Variants in TARS3 observed in about 807,000 individuals in gnomAD.
TARS3 encodes the protein threonyl-tRNA synthetase 3.
In TARS3, 94 loss-of-function variants were observed where a neutral mutation model predicts 103.5. That is an observed-to-expected ratio of 0.91 (90% confidence interval 0.77 to 1.08). The LOEUF is 1.08. Among genes scored for constraint, TARS3 ranks in the 50% least tolerant of loss-of-function variants. The pLI is 0.00. For missense variants in TARS3, 952 were observed against 995.2 expected, an observed-to-expected ratio of 0.96 and a Z score of 0.58; for synonymous variants, 416 against 355.4, an observed-to-expected ratio of 1.17 and a Z score of -1.92.
At chr15:101,658,260 G>A (rs1053943318) in intron 16 of TARS3, among the ~76,000 whole-genome samples, 2 of 138,098 alleles carry the variant, frequency 1.4e-5, no homozygotes, top group Middle Eastern at 3.8e-3. Flanking sequence ...TTTAGCGGGT[G>A]AATGGCCAAA....
At chr15:101,680,380 G>C (rs567305816) in intron 12 of TARS3, among the ~76,000 whole-genome samples, 2 of 152,190 alleles carry the variant, frequency 1.3e-5, no homozygotes, top group Non-Finnish European at 2.9e-5. Context: ...CTGTTTTATC[G>C]ATGCCTGTTG....
At chr15:101,672,678 G>A (rs762560125) in intron 13 of TARS3, among the ~76,000 whole-genome samples, 1 of 152,142 alleles carries the variant, frequency 6.6e-6, no homozygotes, top group Non-Finnish European at 1.5e-5. Context: ...GAGAGAGACG[G>A]AGATTTTTTT....
intron 3 of TARS3, among the ~76,000 whole-genome samples, chr15:101,716,013 C>T (rs191142993): frequency 6.6e-6 from 1 of 150,860 alleles, no homozygotes; most frequent in Admixed American, 6.7e-5. Context: ...TATCCGCTTC[C>T]TTTGCCTATT....
chr15:101,670,114 A>G (rs1307181738), intron 15 of TARS3, among the ~76,000 whole-genome samples: 1 of 152,248 alleles, frequency 6.6e-6, no homozygotes, highest in Non-Finnish European at 1.5e-5. Context: ...GGCAGAGCTT[A>G]TAGATATGAT....
rs1163908877 is a variant in TARS3 at position 101,708,801 on chromosome 15, T to C, written c.922A>G (p.Met308Val). 1.2e-6 allele frequency: 2 copies of C among 1,609,704 alleles called. No homozygotes were observed. The highest frequency in any genetic ancestry group is 1.7e-6 in the Non-Finnish European group (2 of 1,176,018). Reference sequence around the variant, plus strand: ...GAGTTTCCCCAAGTTACCTTAAACATTTCCAGGAGGATTTCCTTGCTGACT... The same window carrying C: ...GAGTTTCCCCAAGTTACCTTAAACACTTCCAGGAGGATTTCCTTGCTGACT... ...LEVSKEILLE[M>V]FKYNKFKCRI... is the part of the protein sequence containing the mutation. The change falls in exon 6 of 19, where the codon ATG (methionine) becomes GTG (valine). Residue 308 changes from methionine (M) to valine (V), a missense_variant. Around this residue, in one of 2 missense-constraint regions of TARS3, gnomAD observed 540 missense variants for 631.0 expected, o/e 0.86. Coordinates refer to ENST00000335968, the MANE Select transcript of TARS3 (RefSeq NM_152334.3).
intron 15 of TARS3, among the ~76,000 whole-genome samples, chr15:101,667,593 GGA>G (rs1198831202): frequency 6.7e-6 from 1 of 149,476 alleles, no homozygotes; most frequent in Non-Finnish European, 1.5e-5. Context: ...TTTTTGAGAT[GGA>G]GTTTCACTCT....
rs753495026 is a variant in TARS3, at chr15:101,714,792, TACA to T, written c.690+45_690+47del. ...ATGTGGCCTCTTATATAATGTAGTTTACAACATAACTACCCAAAGTTTGGCTGT... is the reference window on the plus strand; with the variant it reads ...ATGTGGCCTCTTATATAATGTAGTTTACATAACTACCCAAAGTTTGGCTGT... On this transcript the variant is annotated intron_variant, in intron 4 of 18. Coordinates refer to ENST00000335968, the MANE Select transcript of TARS3 (RefSeq NM_152334.3). 5 of 1,582,874 alleles carry T rather than the reference TACA, an allele frequency of 3.2e-6. No homozygotes were observed. The African/African-American group carries it at 6.7e-5, about 21-fold the overall frequency.
intron 3 of TARS3, 116 bp from the exon 4 acceptor site, chr15:101,715,079 TAAAC>T (rs1466586308): frequency 4.4e-6 from 4 of 915,966 alleles, no homozygotes; most frequent in African/African-American, 1.7e-5. Context: ...AGTACAAACA[TAAAC>T]TAATAGGACA....
intron 10 of TARS3, among the ~76,000 whole-genome samples, chr15:101,694,211 T>C (rs1007987325): frequency 1.3e-5 from 2 of 152,192 alleles, no homozygotes; most frequent in Admixed American, 6.5e-5. Context: ...GTGGAAGTCA[T>C]TTTACCTGAG....
intron 16 of TARS3, among the ~76,000 whole-genome samples, chr15:101,660,117 G>A (rs531522309): frequency 5.6e-4 from 86 of 152,326 alleles, no homozygotes; most frequent in African/African-American, 2.0e-3. Flanking sequence ...GGAGGAACTG[G>A]TTGCAGTGAC....
In TARS3 at chr15:101,724,080, C is replaced by A; in HGVS notation, c.297+11G>T. ...CCCGCGTCCTCTCCAGTGTCCCCAC[C>A]GCCCGGTTACCTGTGCGCCGGCCTC... On this transcript the variant is annotated intron_variant, in intron 1 of 18. Coordinates refer to ENST00000335968, the MANE Select transcript of TARS3 (RefSeq NM_152334.3). The A allele has an allele frequency of 7.3e-7, 1 of 1,361,722 alleles. No individual in the cohort carries two copies. The highest frequency in any genetic ancestry group is 1.7e-5 in the South Asian group (1 of 57,602). 84.4% of individuals were successfully genotyped at this position (1,361,722 alleles called of 1,614,324 possible).
At chr15:101,661,101 G>GGATGCACCACTCAAAAAGGACAA (rs1567322027) in intron 16 of TARS3, among the ~76,000 whole-genome samples, 1 of 88,892 alleles carries the variant, frequency 1.1e-5, no homozygotes, top group Non-Finnish European at 2.8e-5. Flanking sequence ...AAGGACCACA[G>GGATGCACCACTCAAAAAGGACAA]GATGCACCAC....
At chr15:101,723,003 A>C (rs1900566169) in intron 2 of TARS3, 90 bp downstream of exon 2, 2 of 1,229,490 alleles carry the variant, frequency 1.6e-6, no homozygotes, top group Non-Finnish European at 2.3e-6. Context: ...TTAATCAGTA[A>C]TTTTTATTGG....
rs566366918 is a variant in TARS3, at chr15:101,708,826, T to C, written c.897A>G (p.Glu299=). ...IKEKQPFERL[E]VSKEILLEMF... ...TTTCCAGGAGGATTTCCTTGCTGAC[T>C]TCTAGTCTTTCAAAAGGTTGCTTTT... The change falls in exon 6 of 19, where the codon GAA becomes GAG. Residue 299 remains glutamate (E), a synonymous_variant. Transcript: ENST00000335968. 1.2e-6 allele frequency: 2 copies of C among 1,613,802 alleles called. No homozygotes were observed. The highest frequency in any genetic ancestry group is 3.3e-5 in the Admixed American group (2 of 60,006).
At chr15:101,711,240 A>G (rs1016912554) in intron 5 of TARS3, among the ~76,000 whole-genome samples, 1 of 152,258 alleles carries the variant, frequency 6.6e-6, no homozygotes, top group Non-Finnish European at 1.5e-5. Flanking sequence ...GGGACAAAAA[A>G]GAAAACAATC....
chr15:101,700,486 A>G (rs1421751494), intron 10 of TARS3, among the ~76,000 whole-genome samples: 2 of 152,152 alleles, frequency 1.3e-5, no homozygotes, highest in African/African-American at 4.8e-5. Context: ...TCTTTTTCAC[A>G]GGGAGTGCCA....
In TARS3 at chr15:101,654,384, C is replaced by T. The variant is rs1897121328; in HGVS notation, c.*198G>A. 5 of 487,070 alleles carry T rather than the reference C, an allele frequency of 1.0e-5. No individual in the cohort carries two copies. The highest frequency in any genetic ancestry group is 1.0e-5 in the Non-Finnish European group (3 of 288,680). 30.2% of individuals were successfully genotyped at this position (487,070 alleles called of 1,614,324 possible). On this transcript the variant is annotated 3_prime_UTR_variant, in exon 19 of 19. Coordinates refer to ENST00000335968, the MANE Select transcript of TARS3 (RefSeq NM_152334.3). ...GATTGCTGGAAAATTTCCCACGTGCCCTCTAAACGTCCCCCGTGGACATGA... is the reference window on the plus strand; with the variant it reads ...GATTGCTGGAAAATTTCCCACGTGCTCTCTAAACGTCCCCCGTGGACATGA...
Position 101,723,135 on chromosome 15 carries a change from G to A in TARS3, c.327C>T (p.Asp109=). The A allele has an allele frequency of 6.2e-7, 1 of 1,613,906 alleles. No individual in the cohort carries two copies. Among genetic ancestry groups the A allele is most frequent in the Non-Finnish European group, 8.5e-7 (1 of 1,179,968 alleles). Reference sequence around the variant, plus strand: ...TTTCCTTCATTTTCTTCTTTTTCATGTCCTTGTCTTGGCTTTGACTAGGAG... The same window carrying A: ...TTTCCTTCATTTTCTTCTTTTTCATATCCTTGTCTTGGCTTTGACTAGGAG... ...QPPPSQSQDK[D]MKKKKMKESE... Residue 109 remains aspartate, a synonymous_variant, in exon 2 of 19, where the codon GAC becomes GAT. Transcript: ENST00000335968.
chr15:101,696,798 T>G (rs1254167415), intron 10 of TARS3, among the ~76,000 whole-genome samples: 1 of 152,164 alleles, frequency 6.6e-6, no homozygotes, highest in South Asian at 2.1e-4. Context: ...AACAAGCCCT[T>G]TTGAAAGACT....
Sources: allele counts gnomAD v4.1 joint callset (sites outside exome capture counted in the v4.1 genomes callset), GRCh38; gene constraint gnomAD v4.1.1; regional missense constraint gnomAD v4.1.1; transcripts MANE v1.5; gene names NCBI Gene and HGNC (gene_info 2026-07-23, HGNC 2026-07-21).